Variants in ADGRV1 observed in about 807,000 individuals in gnomAD.
ADGRV1 encodes G-protein coupled receptor 98.
Under a neutral mutation model 596.2 loss-of-function variants are expected in ADGRV1, and 359 were observed. That is an observed-to-expected ratio of 0.60 (90% CI 0.55 to 0.66). The LOEUF is 0.66. Among genes scored for constraint, ADGRV1 ranks in the 30% least tolerant of loss-of-function variants. ADGRV1 has a pLI of 0.00. For synonymous variants in ADGRV1, 2,681 were observed against 2,679.2 expected (o/e 1.00, Z -0.02); for missense variants, 7,274 against 7,575.6 (o/e 0.96, Z 1.48).
Position 91,072,434 on chromosome 5 carries a change from A to C in ADGRV1, c.18153-13A>C. The stretch of plus-strand genomic sequence containing the variant: ...GAAAGTGTCTGAGTTACTTCTTCTC[A>C]TTTCTCTTCCAGGTGTTTTATTCCA... On this transcript the variant is annotated splice_polypyrimidine_tract_variant and intron_variant, in intron 85 of 89. Transcript: ENST00000405460. The C allele has an allele frequency of 6.2e-7, 1 of 1,611,460 alleles. No individual in the cohort carries two copies. Among genetic ancestry groups the C allele is most frequent in the Middle Eastern group, 1.7e-4 (1 of 6,046 alleles).
chr5:90,984,085 A>G (rs935272260), intron 84 of ADGRV1, among the ~76,000 whole-genome samples: 2 of 152,234 alleles, frequency 1.3e-5, no homozygotes, highest in Non-Finnish European at 2.9e-5. Context: ...TTTACATGTA[A>G]CATCTCATTT....
chr5:91,129,774 A>G (rs1009477652), intron 87 of ADGRV1, among the ~76,000 whole-genome samples: 1 of 152,230 alleles, frequency 6.6e-6, no homozygotes, highest in Non-Finnish European at 1.5e-5. Context: ...GACATGATCC[A>G]GTCTACGGCA....
intron 83 of ADGRV1, among the ~76,000 whole-genome samples, chr5:90,933,824 A>T (rs1775457403): frequency 6.6e-6 from 1 of 152,112 alleles, no homozygotes; most frequent in Non-Finnish European, 1.5e-5. Flanking sequence ...TGAGGAATAT[A>T]ACTATTTGTT....
chr5:90,796,879 A>G (rs1478406088), intron 70 of ADGRV1, among the ~76,000 whole-genome samples: 3 of 152,222 alleles, frequency 2.0e-5, no homozygotes, highest in Non-Finnish European at 4.4e-5. Flanking sequence ...ACTAAGCTTC[A>G]TAAGTGAAGG....
intron 85 of ADGRV1, among the ~76,000 whole-genome samples, chr5:91,054,100 T>TGAGAGAGA (rs1235694348): frequency 1.8e-4 from 20 of 108,276 alleles, no homozygotes; most frequent in East Asian, 1.1e-3. Flanking sequence ...TGTGTGTGTG[T>TGAGAGAGA]GTGAGAGAGA....
intron 88 of ADGRV1, among the ~76,000 whole-genome samples, chr5:91,151,977 CCT>C (rs1412310621): frequency 2.6e-5 from 4 of 152,152 alleles, no homozygotes; most frequent in African/African-American, 9.7e-5. Context: ...CTCAGAACAC[CCT>C]GTGTTGATAG....
intron 69 of ADGRV1, 97 bp from the exon 70 acceptor site, chr5:90,790,776 T>A (rs973110123): frequency 5.3e-6 from 4 of 752,376 alleles, no homozygotes; most frequent in African/African-American, 3.5e-5. Context: ...CAATTATATT[T>A]TTTTTTTGTA....
At chr5:90,871,743 G>GT (rs1768704869) in intron 83 of ADGRV1, among the ~76,000 whole-genome samples, 1 of 152,122 alleles carries the variant, frequency 6.6e-6, no homozygotes, top group South Asian at 2.1e-4. Context: ...GAAAAAAGTT[G>GT]TTTTTATGAA....
intron 85 of ADGRV1, among the ~76,000 whole-genome samples, chr5:91,020,640 G>C (rs1783558014): frequency 6.6e-6 from 1 of 152,014 alleles, no homozygotes; most frequent in Admixed American, 6.6e-5. Context: ...AGCTAAGCAT[G>C]TGTGAAAGAC....
At chr5:91,056,972 A>C (rs1786933919) in intron 85 of ADGRV1, among the ~76,000 whole-genome samples, 1 of 152,222 alleles carries the variant, frequency 6.6e-6, no homozygotes, top group Non-Finnish European at 1.5e-5. Flanking sequence ...TAAATCGAGA[A>C]ATGCCCACTA....
At position 90,622,014 on chromosome 5, in the gene ADGRV1, C is replaced by A. The variant is rs1286837669; in HGVS notation, c.454-583C>A. On this transcript the variant is annotated intron_variant, in intron 4 of 89. Coordinates refer to ENST00000405460, the MANE Select transcript of ADGRV1 (RefSeq NM_032119.4). ...TCACCCTGAGAGCTGGCAGCTGCTT[C>A]TGTAGCCTGTATGTACTTGGCTGTG... Among the ~76,000 whole-genome samples the A allele has an allele frequency of 2.0e-5, 3 of 152,308 alleles. No individual in the cohort carries two copies. In the Middle Eastern group the frequency reaches 0.01, roughly 518 times the overall value.
Position 90,679,557 on chromosome 5 carries a change from C to T in ADGRV1, c.5452C>T (p.Leu1818Phe), listed in dbSNP as rs1457228920. 1.2e-6 allele frequency: 2 copies of T among 1,612,074 alleles called. No homozygotes were observed. The highest frequency in any genetic ancestry group is 1.3e-5 in the African/African-American group (1 of 74,846). Residue 1818 changes from leucine (L) to phenylalanine (F), a missense_variant, in exon 26 of 90, where the codon CTC (leucine) becomes TTC (phenylalanine). This residue lies in a region of ADGRV1 where 3,643 missense variants were observed against 3,809.2 expected (regional missense o/e 0.96). Coordinates refer to ENST00000405460, the MANE Select transcript of ADGRV1 (RefSeq NM_032119.4). ...LLNLEGGVAELFRVDGSGSGD... is the reference protein window; with the variant it reads ...LLNLEGGVAEFFRVDGSGSGD... Reference sequence around the variant, plus strand: ...TGTGTCTCCTTGTGAAGTAGCTGAACTCTTTAGGGTTGATGGAAGTGGTAG... The same window carrying T: ...TGTGTCTCCTTGTGAAGTAGCTGAATTCTTTAGGGTTGATGGAAGTGGTAG...
intron 85 of ADGRV1, among the ~76,000 whole-genome samples, chr5:91,011,655 T>C (rs1782728925): frequency 6.6e-6 from 1 of 152,010 alleles, no homozygotes; most frequent in African/African-American, 2.4e-5. Context: ...CTGTGTTCTT[T>C]CTCTAACTAG....
chr5:90,890,253 T>C (rs1770680964), intron 83 of ADGRV1, among the ~76,000 whole-genome samples: 2 of 152,190 alleles, frequency 1.3e-5, no homozygotes, highest in South Asian at 4.1e-4. Flanking sequence ...ACACTAGCTG[T>C]GTGTAGGTCT....
At chr5:90,603,084 A>G (rs1050887901) in intron 1 of ADGRV1, among the ~76,000 whole-genome samples, 9 of 152,206 alleles carry the variant, frequency 5.9e-5, no homozygotes, top group African/African-American at 2.2e-4. Flanking sequence ...CTGAGATCAT[A>G]CATGTAGCTG....
At position 90,811,339 on chromosome 5, in the gene ADGRV1, G is replaced by A; in HGVS notation, c.16078+1G>A. 1.3e-6 allele frequency: 2 copies of A among 1,576,922 alleles called. No individual in the cohort carries two copies. Among genetic ancestry groups the A allele is most frequent in the South Asian group, 1.2e-5 (1 of 84,920 alleles). On this transcript the variant is annotated splice_donor_variant, in intron 74 of 89. Transcript: ENST00000405460. LOFTEE classifies it high-confidence loss of function. ...GCTTTTGCCATGGTTATTATTACAG[G>A]TATATCTTTGAAATGATGGAGATAA...
At chr5:91,084,060 C>T (rs1267158316) in intron 86 of ADGRV1, among the ~76,000 whole-genome samples, 1 of 152,144 alleles carries the variant, frequency 6.6e-6, no homozygotes, top group Admixed American at 6.5e-5. Flanking sequence ...CCCAGGCCAC[C>T]ATTTTCCTCT....
Position 90,763,314 on chromosome 5 carries a change from G to C in ADGRV1, c.12130G>C (p.Asp4044His). ...AATTTTCTTCTTTCAGGTAATGATT[G>C]ATGAATCCCTTTCATCCGATGACCC... ...FGFEEKTVMI[D>H]ESLSSDDPDS... is the part of the protein sequence containing the mutation. The change falls in exon 59 of 90, where the codon GAT becomes CAT. Residue 4044 changes from aspartate to histidine, a missense_variant. Asp to His is a moderately conservative substitution (Grantham distance 81). This residue lies in a region of ADGRV1 where 3,643 missense variants were observed against 3,809.2 expected (regional missense o/e 0.96). Coordinates refer to ENST00000405460, the MANE Select transcript of ADGRV1 (RefSeq NM_032119.4). The C allele has an allele frequency of 1.3e-6, 2 of 1,552,666 alleles. No individual in the cohort carries two copies. Among genetic ancestry groups the C allele is most frequent in the Non-Finnish European group, 1.8e-6 (2 of 1,141,076 alleles).
chr5:91,107,088 AC>A (rs1791941890), intron 87 of ADGRV1, among the ~76,000 whole-genome samples: 1 of 152,152 alleles, frequency 6.6e-6, no homozygotes, highest in Non-Finnish European at 1.5e-5. Context: ...TAGGCCCCAC[AC>A]CCAGAGTTTC....
Sources: allele counts gnomAD v4.1 joint callset (sites outside exome capture counted in the v4.1 genomes callset), GRCh38; gene constraint gnomAD v4.1.1; regional missense constraint gnomAD v4.1.1; transcripts MANE v1.5; gene names NCBI Gene and HGNC (gene_info 2026-07-23, HGNC 2026-07-21).